The following CACNG7 variants were observed in gnomAD, a reference collection of about 807,000 sequenced individuals.
CACNG7 encodes calcium voltage-gated channel auxiliary subunit gamma 7.
CACNG7 carries 9 observed loss-of-function variants against 26.3 expected under a neutral mutation model. The ratio of observed to expected loss-of-function variants is 0.34; its 90% confidence interval spans 0.21 to 0.60. The LOEUF is 0.60. Ranked by LOEUF, CACNG7 falls within the 20% of genes least tolerant of loss-of-function variation. The pLI, the probability that CACNG7 is intolerant of heterozygous loss-of-function variation, is 0.81. For synonymous variants in CACNG7, 170 were observed against 157.0 expected (o/e 1.08, Z -0.62); for missense variants, 297 against 380.4 (o/e 0.78, Z 1.82).
At position 53,909,851 on chromosome 19, in the gene CACNG7, G is replaced by A. The variant is rs534220581; in HGVS notation, c.-30+334G>A. Among the ~76,000 whole-genome samples the A allele has an allele frequency of 6.6e-6, 1 of 152,292 alleles. No individual in the cohort carries two copies. The highest frequency in any genetic ancestry group is 2.4e-5 in the African/African-American group (1 of 41,570). On this transcript the variant is annotated intron_variant, in intron 1 of 5. Coordinates refer to ENST00000391767, the MANE Select transcript of CACNG7 (RefSeq NM_031896.5). This position sits in a 1 kb window ranked among gnomAD's most constrained non-coding sequence, Gnocchi z 5.1. Reference sequence around the variant, plus strand: ...CAGGCCCGGCCAGAGCAGGATGTGGGTCTGGAAAGGGGTCCCAGAAAGGGG... The same window carrying A: ...CAGGCCCGGCCAGAGCAGGATGTGGATCTGGAAAGGGGTCCCAGAAAGGGG...
At chr19:53,936,036 ATTT>A (rs879478631) in intron 4 of CACNG7, among the ~76,000 whole-genome samples, 1 of 120,266 alleles carries the variant, frequency 8.3e-6, no homozygotes, top group Admixed American at 8.3e-5. Context: ...GTCTCCTTTC[ATTT>A]TTTTTTTTTT....
At chr19:53,916,372 TGCCC>T (rs1359683441) in intron 4 of CACNG7, among the ~76,000 whole-genome samples, 3 of 70,072 alleles carry the variant, frequency 4.3e-5, no homozygotes, top group African/African-American at 3.7e-4. Flanking sequence ...CATAGAGAGT[TGCCC>T]ATAAGTACCA....
At chr19:53,910,037 G>T (rs759618564) in intron 1 of CACNG7, among the ~76,000 whole-genome samples, 2 of 152,160 alleles carry the variant, frequency 1.3e-5, no homozygotes, top group Non-Finnish European at 2.9e-5. Context: ...AGGAGGAAAG[G>T]CTGGAGGAAT....
chr19:53,935,720 A>G (rs563063563), intron 4 of CACNG7, among the ~76,000 whole-genome samples: 7 of 132,066 alleles, frequency 5.3e-5, no homozygotes, highest in South Asian at 2.3e-4. Flanking sequence ...GCTCACTGCA[A>G]CCTTCTGCCT....
At chr19:53,924,873 G>GCTGGTCATTGGTGTACTTGCCCCAGGT (rs2069011594) in intron 4 of CACNG7, among the ~76,000 whole-genome samples, 1 of 142,944 alleles carries the variant, frequency 7.0e-6, no homozygotes, top group Non-Finnish European at 1.5e-5. Context: ...CTTGCCCCAG[G>GCTGGTCATTGGTGTACTTGCCCCAGGT]CTGGTCATTG....
chr19:53,926,184 T>C (rs1409264816), intron 4 of CACNG7, among the ~76,000 whole-genome samples: 1 of 152,168 alleles, frequency 6.6e-6, no homozygotes, highest in Non-Finnish European at 1.5e-5. Context: ...ATCCCTTCAA[T>C]AGATCCCCAT....
At position 53,942,702 on chromosome 19, in the gene CACNG7, A is replaced by G. The variant is rs1210201085; in HGVS notation, c.*409A>G. 4.1e-6 allele frequency: 2 copies of G among 489,968 alleles called. No individual in the cohort carries two copies. Among genetic ancestry groups the G allele is most frequent in the Non-Finnish European group, 5.5e-6 (2 of 360,620 alleles). The allele number at this position is 489,968 out of a possible 1,614,324, so 30.4% of individuals were successfully genotyped here. On this transcript the variant is annotated 3_prime_UTR_variant, in exon 6 of 6. Coordinates refer to ENST00000391767, the MANE Select transcript of CACNG7 (RefSeq NM_031896.5). This position sits in a 1 kb window ranked among gnomAD's most constrained non-coding sequence, Gnocchi z 5.9. ...TCACCGCAGGGGCGCTGGGCTGGAG[A>G]GCAGGTTCGGGCAGCCGTCGGGAAT...
chr19:53,922,457 G>C (rs1440362350), intron 4 of CACNG7, among the ~76,000 whole-genome samples: 3 of 116,310 alleles, frequency 2.6e-5, no homozygotes, highest in Admixed American at 7.8e-5. Context: ...GTCCCAGGCT[G>C]GTCATTGGTG....
intron 4 of CACNG7, among the ~76,000 whole-genome samples, chr19:53,920,466 T>C (rs1387385519): frequency 7.9e-5 from 4 of 50,376 alleles, no homozygotes; most frequent in Admixed American, 3.5e-4. Flanking sequence ...CGTCCCCAGG[T>C]CTGGTCATTG....
intron 4 of CACNG7, among the ~76,000 whole-genome samples, chr19:53,922,474 C>T (rs868017629): frequency 5.6e-4 from 51 of 90,500 alleles, no homozygotes; most frequent in South Asian, 4.6e-3. Context: ...GGTGGAGTTG[C>T]CCCAGGTCTG....
chr19:53,921,953 G>C (rs74834806), intron 4 of CACNG7, among the ~76,000 whole-genome samples: 4 of 93,186 alleles, frequency 4.3e-5, no homozygotes, highest in African/African-American at 1.7e-4. Context: ...CATTGGTGGA[G>C]TTGCCCCAGG....
intron 2 of CACNG7, 78 bp downstream of exon 2, chr19:53,913,105 C>A: frequency 7.6e-7 from 1 of 1,308,706 alleles, no homozygotes; most frequent in Non-Finnish European, 1.0e-6. Context: ...AGTCCCATCC[C>A]TTGAGTTCCA....
intron 2 of CACNG7, among the ~76,000 whole-genome samples, 176 bp downstream of exon 2, chr19:53,913,203 G>T (rs554614569): frequency 6.6e-6 from 1 of 152,140 alleles, no homozygotes; most frequent in South Asian, 2.1e-4. Flanking sequence ...CCTGGATCTA[G>T]GAGCCCCAAT....
intron 4 of CACNG7, among the ~76,000 whole-genome samples, chr19:53,919,175 C>CA (rs1447346402): frequency 2.0e-5 from 3 of 152,108 alleles, no homozygotes; most frequent in Non-Finnish European, 2.9e-5. Context: ...ATTAAGATCA[C>CA]AAAAAAGAAG....
At position 53,942,628 on chromosome 19, in the gene CACNG7, C is replaced by G. The variant is rs775944189; in HGVS notation, c.*335C>G. ...CCACCTGCTCTGAGCTGGGAGCAGC[C>G]AGAGGCGGTGCAAGCGCCCAGCTCC... On this transcript the variant is annotated 3_prime_UTR_variant, in exon 6 of 6. Coordinates refer to ENST00000391767, the MANE Select transcript of CACNG7 (RefSeq NM_031896.5). The surrounding 1 kb of genome is among the most constrained non-coding windows in gnomAD (Gnocchi z 5.9). 7 of 1,150,238 alleles carry G rather than the reference C, an allele frequency of 6.1e-6. No homozygotes were observed. Among genetic ancestry groups the G allele is most frequent in the Non-Finnish European group, 7.6e-6 (7 of 925,242 alleles). 71.3% of individuals were successfully genotyped at this position (1,150,238 alleles called of 1,614,324 possible). A position where few individuals can be genotyped will look rare whatever the true frequency, so the allele number is the denominator to read the frequency against.
rs1261521457 is a variant in CACNG7 at position 53,941,582 on chromosome 19, T to C, written c.537T>C (p.Phe179=). 1.2e-6 allele frequency: 2 copies of C among 1,612,106 alleles called. No individual in the cohort carries two copies. Among genetic ancestry groups the C allele is most frequent in the Admixed American group, 3.4e-5 (2 of 59,524 alleles). The change falls in exon 5 of 6, where the codon TTT becomes TTC. Residue 179 remains phenylalanine, a synonymous_variant. Transcript: ENST00000391767. ...QYFHYRYGWS[F]AFAASSFLLK... ...TTCATTATCGCTACGGGTGGTCTTT[T>C]GCCTTCGCCGCTTCCTCCTTCCTAC...
rs190355299 is a variant in CACNG7 at position 53,931,784 on chromosome 19, T to C, written c.425-9686T>C. On this transcript the variant is annotated intron_variant, in intron 4 of 5. Transcript: ENST00000391767. The stretch of plus-strand genomic sequence containing the variant: ...CTTTTTTTTTTTTTTTTTTTTGAGA[T>C]GGAGTCTGGCTCTGTCGCCCAGGTT... Among the ~76,000 whole-genome samples, 927 of 135,926 alleles carry C rather than the reference T, an allele frequency of 6.8e-3. 11 individuals carry two copies. Among genetic ancestry groups the C allele is most frequent in the African/African-American group, 0.025 (895 of 35,984 alleles). 89.2% of individuals were successfully genotyped at this position (135,926 alleles called of 152,430 possible).
In CACNG7 at chr19:53,920,350, T is replaced by TCCCCAGGTCTGGTCATTGGTGGAGTTG. The variant is rs2068933383; in HGVS notation, c.424+4848_424+4874dup. On this transcript the variant is annotated intron_variant, in intron 4 of 5. Coordinates refer to ENST00000391767, the MANE Select transcript of CACNG7 (RefSeq NM_031896.5). ...CCCAGGTCTGGTCATTGGTGGAGTTTCCCCAGGTCTGGTCATTGGTGGAGT... is the reference window on the plus strand; with the variant it reads ...CCCAGGTCTGGTCATTGGTGGAGTTTCCCCAGGTCTGGTCATTGGTGGAGTTGCCCCAGGTCTGGTCATTGGTGGAGT... Among the ~76,000 whole-genome samples the TCCCCAGGTCTGGTCATTGGTGGAGTTG allele has an allele frequency of 3.9e-5, 3 of 77,572 alleles. 1 individual carries two copies. Among genetic ancestry groups the TCCCCAGGTCTGGTCATTGGTGGAGTTG allele is most frequent in the East Asian group, 3.5e-4 (1 of 2,880 alleles). The allele number at this position is 77,572 out of a possible 152,430, so 50.9% of individuals were successfully genotyped here. A position where few individuals can be genotyped will look rare whatever the true frequency, so the allele number is the denominator to read the frequency against.
At chr19:53,920,236 T>A (rs2068931816) in intron 4 of CACNG7, among the ~76,000 whole-genome samples, 1 of 55,850 alleles carries the variant, frequency 1.8e-5, no homozygotes, top group South Asian at 8.4e-4. Flanking sequence ...TGGTCATTGG[T>A]GGACTTGCCC....
Sources: allele counts gnomAD v4.1 joint callset (sites outside exome capture counted in the v4.1 genomes callset), GRCh38; gene constraint gnomAD v4.1.1; non-coding constraint Gnocchi (gnomAD v3.1); transcripts MANE v1.5; gene names NCBI Gene and HGNC (gene_info 2026-07-23, HGNC 2026-07-21).